WDR49: variants seen among roughly 807,000 people sequenced by gnomAD.
WDR49 encodes WD repeat domain 49, also known as cilia- and flagella-associated protein 337.
In WDR49, 107 loss-of-function variants were observed where a neutral mutation model predicts 119.5. That is an observed-to-expected ratio of 0.90 (90% CI 0.77 to 1.05). WDR49 has a LOEUF of 1.05. WDR49 is among the 50% of genes least tolerant of loss of function. The probability of loss-of-function intolerance (pLI) is 0.00; values close to 1 mark genes in which losing one functional copy is unlikely to be tolerated. For synonymous variants in WDR49, 425 were observed against 418.8 expected (o/e 1.01, Z -0.18); for missense variants, 1,240 against 1,220.5 (o/e 1.02, Z -0.24).
intron 10 of WDR49, among the ~76,000 whole-genome samples, chr3:167,539,886 C>T (rs1711679745): frequency 6.6e-6 from 1 of 151,996 alleles, no homozygotes; most frequent in Non-Finnish European, 1.5e-5. Context: ...TTGTTTTTTT[C>T]CTTCTACAAC....
intron 2 of WDR49, chr3:167,633,664 G>A (rs1011959222): frequency 5.7e-6 from 2 of 353,276 alleles, no homozygotes; most frequent in South Asian, 4.3e-5. Context: ...ACTGAATGGC[G>A]AAATAATTTA....
chr3:167,580,025 G>C (rs1387283467), intron 7 of WDR49, among the ~76,000 whole-genome samples: 1 of 151,928 alleles, frequency 6.6e-6, no homozygotes, highest in Non-Finnish European at 1.5e-5. Context: ...ATTTATATTG[G>C]ATTTGATATT....
chr3:167,549,459 T>C (rs1712414144), intron 10 of WDR49, among the ~76,000 whole-genome samples: 1 of 152,216 alleles, frequency 6.6e-6, no homozygotes, highest in African/African-American at 2.4e-5. Context: ...ATGAGCATTT[T>C]TTCATGTGTC....
At chr3:167,605,031 TG>T (rs1560309437) in intron 5 of WDR49, among the ~76,000 whole-genome samples, 4 of 151,700 alleles carry the variant, frequency 2.6e-5, no homozygotes, top group African/African-American at 9.7e-5. Flanking sequence ...TGTGTGTGTG[TG>T]TGTGTGTGTG....
intron 2 of WDR49, among the ~76,000 whole-genome samples, chr3:167,643,893 A>G (rs953127326): frequency 1.3e-5 from 2 of 152,078 alleles, no homozygotes; most frequent in African/African-American, 4.8e-5. Flanking sequence ...AGATTATAGA[A>G]TAATAATGTA....
At chr3:167,533,347 T>C (rs1444111600) in intron 11 of WDR49, among the ~76,000 whole-genome samples, 1 of 152,166 alleles carries the variant, frequency 6.6e-6, no homozygotes, top group Non-Finnish European at 1.5e-5. Flanking sequence ...AATTTTCTCA[T>C]CTATAAAAAA....
intron 2 of WDR49, among the ~76,000 whole-genome samples, chr3:167,628,637 A>G (rs182024415): frequency 3.1e-4 from 47 of 152,264 alleles, no homozygotes; most frequent in Middle Eastern, 3.4e-3. Flanking sequence ...TGAGGTTTGA[A>G]AAAAAGAAGT....
At position 167,600,506 on chromosome 3, in the gene WDR49, A is replaced by T. The variant is rs569150172; in HGVS notation, c.1275+1621T>A. Among the ~76,000 whole-genome samples the T allele has an allele frequency of 3.3e-5, 5 of 152,284 alleles. No homozygotes were observed. In the East Asian group the frequency reaches 9.7e-4, roughly 29 times the overall value. On this transcript the variant is annotated intron_variant, in intron 7 of 18. Transcript: ENST00000682715. The stretch of plus-strand genomic sequence containing the variant: ...GGTTCTTATGAAGGTGTTTTTGTGT[A>T]TGTGTAGATAGTTGTTAAATTTGGT...
chr3:167,536,380 T>C (rs1459584665), intron 11 of WDR49, among the ~76,000 whole-genome samples: 1 of 151,992 alleles, frequency 6.6e-6, no homozygotes. Context: ...CAATCATAAA[T>C]TTAAAAAGAA....
chr3:167,639,143 G>C (rs902265735), intron 2 of WDR49, among the ~76,000 whole-genome samples: 4 of 151,706 alleles, frequency 2.6e-5, no homozygotes, highest in African/African-American at 9.7e-5. Flanking sequence ...AAATAGTGCA[G>C]CCAACAGAGA....
intron 7 of WDR49, among the ~76,000 whole-genome samples, chr3:167,587,491 CTT>C (rs1189038080): frequency 6.6e-6 from 1 of 151,618 alleles, no homozygotes; most frequent in Admixed American, 6.6e-5. Context: ...TTTTTTTTCA[CTT>C]TTTCTTTTTT....
chr3:167,489,213 C>T (rs147530200), intron 18 of WDR49, among the ~76,000 whole-genome samples: 1 of 152,142 alleles, frequency 6.6e-6, no homozygotes, highest in African/African-American at 2.4e-5. Flanking sequence ...TTGTATCTGG[C>T]TCATGGAAAA....
At chr3:167,483,817 C>A (rs1014125755) in intron 18 of WDR49, among the ~76,000 whole-genome samples, 1 of 152,058 alleles carries the variant, frequency 6.6e-6, no homozygotes, top group Non-Finnish European at 1.5e-5. Flanking sequence ...TTCTAATACT[C>A]AAAGGGTCTT....
intron 8 of WDR49, among the ~76,000 whole-genome samples, chr3:167,561,426 A>C (rs541077464): frequency 1.4e-4 from 22 of 152,198 alleles, no homozygotes; most frequent in Non-Finnish European, 2.9e-4. Context: ...GGATCTTTAA[A>C]GAGCATCACA....
intron 5 of WDR49, among the ~76,000 whole-genome samples, chr3:167,611,384 A>C (rs1468392382): frequency 6.6e-6 from 1 of 152,216 alleles, no homozygotes; most frequent in East Asian, 1.9e-4. Flanking sequence ...CATCAGAGAC[A>C]ATCACTTTCA....
intron 8 of WDR49, chr3:167,566,885 A>G: frequency 1.5e-6 from 1 of 684,234 alleles, no homozygotes; most frequent in African/African-American, 1.8e-5. Flanking sequence ...TCGTCTTCAC[A>G]TTGAGAAGGC....
intron 3 of WDR49, among the ~76,000 whole-genome samples, chr3:167,624,152 G>A (rs905319075): frequency 1.1e-4 from 17 of 151,808 alleles, no homozygotes; most frequent in African/African-American, 3.9e-4. Context: ...TTAGCTACTA[G>A]GTAAATATGA....
chr3:167,555,137 G>A (rs965577562), intron 9 of WDR49, among the ~76,000 whole-genome samples: 11 of 152,084 alleles, frequency 7.2e-5, no homozygotes. Context: ...GGAAATTTCA[G>A]CCCCACCCTG....
intron 16 of WDR49, among the ~76,000 whole-genome samples, chr3:167,507,147 A>T (rs1347427743): frequency 1.3e-5 from 2 of 152,132 alleles, no homozygotes; most frequent in Admixed American, 6.5e-5. Context: ...TTCAAGCACA[A>T]TGCACATTTA....
Sources: allele counts gnomAD v4.1 joint callset (sites outside exome capture counted in the v4.1 genomes callset), GRCh38; gene constraint gnomAD v4.1.1; transcripts MANE v1.5; gene names NCBI Gene and HGNC (gene_info 2026-07-23, HGNC 2026-07-21).